The following PTPRK variants were observed in gnomAD, a reference collection of about 807,000 sequenced individuals.
PTPRK encodes the protein protein tyrosine phosphatase receptor type K.
Under a neutral mutation model 178.0 loss-of-function variants are expected in PTPRK, and 75 were observed. The observed-to-expected ratio is 0.42, with a 90% CI of 0.35 to 0.51. The LOEUF (loss-of-function observed/expected upper bound fraction) is 0.51, where lower values mean the gene tolerates loss of function less well. PTPRK is among the 20% of genes least tolerant of loss of function. The probability of loss-of-function intolerance (pLI) is 0.02; values close to 1 mark genes in which losing one functional copy is unlikely to be tolerated. For synonymous variants in PTPRK, 637 were observed against 620.6 expected (o/e 1.03, Z -0.39); for missense variants, 1,441 against 1,797.8 (o/e 0.80, Z 3.59).
intron 1 of PTPRK, among the ~76,000 whole-genome samples, chr6:128,464,096 G>A (rs1234260262): frequency 6.6e-6 from 1 of 151,898 alleles, no homozygotes; most frequent in Non-Finnish European, 1.5e-5. Flanking sequence ...TGAATTACAT[G>A]ACAAACTTTT....
chr6:128,388,311 T>C (rs185542652), intron 2 of PTPRK, among the ~76,000 whole-genome samples: 3 of 152,248 alleles, frequency 2.0e-5, no homozygotes, highest in Admixed American at 2.0e-4. Context: ...TTTTAGACCT[T>C]TAAAGAGAGA....
At chr6:128,443,542 C>T (rs1846559343) in intron 1 of PTPRK, among the ~76,000 whole-genome samples, 1 of 152,168 alleles carries the variant, frequency 6.6e-6, no homozygotes, top group Non-Finnish European at 1.5e-5. Flanking sequence ...CAAGTATAGT[C>T]ATCCAAGTGG....
intron 13 of PTPRK, among the ~76,000 whole-genome samples, chr6:128,014,008 C>T (rs1309661893): frequency 1.3e-5 from 2 of 151,512 alleles, no homozygotes; most frequent in African/African-American, 2.4e-5. Context: ...TTATTTTGCT[C>T]ACCATTGAAT....
At chr6:127,983,152 T>C in intron 23 of PTPRK, 90 bp downstream of exon 23, 2 of 1,332,646 alleles carry the variant, frequency 1.5e-6, no homozygotes, top group Non-Finnish European at 1.0e-6. Context: ...TCTCTTTCGG[T>C]TGAGTAGAGT....
chr6:128,069,328 A>G (rs553414285), intron 11 of PTPRK, among the ~76,000 whole-genome samples: 2 of 152,106 alleles, frequency 1.3e-5, no homozygotes, highest in Non-Finnish European at 2.9e-5. Flanking sequence ...TTCAAATTAT[A>G]TGTGCTGCAT....
At chr6:128,178,202 A>G (rs538493373) in intron 7 of PTPRK, among the ~76,000 whole-genome samples, 7 of 151,870 alleles carry the variant, frequency 4.6e-5, no homozygotes, top group Non-Finnish European at 1.0e-4. Context: ...TTACTGAAGT[A>G]TGTTATATTT....
intron 6 of PTPRK, among the ~76,000 whole-genome samples, chr6:128,216,508 C>G (rs1809321311): frequency 1.3e-5 from 2 of 150,682 alleles, no homozygotes; most frequent in Middle Eastern, 3.4e-3. Context: ...GCATTCCAAC[C>G]TGGGTGACAG....
intron 2 of PTPRK, among the ~76,000 whole-genome samples, chr6:128,345,258 C>T (rs4367401): frequency 2.0e-5 from 3 of 151,740 alleles, no homozygotes; most frequent in Admixed American, 2.0e-4. Flanking sequence ...GAATATATAT[C>T]TTTTTTTTGG....
chr6:128,117,144 AAAAAAAT>A (rs914404337), intron 7 of PTPRK, among the ~76,000 whole-genome samples: 5 of 152,100 alleles, frequency 3.3e-5, no homozygotes, highest in South Asian at 2.1e-4. Context: ...AGACTCTGTC[AAAAAAAT>A]AAAAAATAAA....
chr6:128,204,707 A>C (rs1806603523), intron 6 of PTPRK, among the ~76,000 whole-genome samples: 1 of 152,200 alleles, frequency 6.6e-6, no homozygotes, highest in Admixed American at 6.5e-5. Flanking sequence ...GCAAATCAAA[A>C]CCACAAAGAG....
chr6:128,045,521 A>G (rs886969067), intron 13 of PTPRK, among the ~76,000 whole-genome samples: 3 of 152,060 alleles, frequency 2.0e-5, no homozygotes, highest in African/African-American at 7.2e-5. Flanking sequence ...AAGCAAAGGC[A>G]GAACTTCTAT....
chr6:128,348,069 A>G (rs1299349523), intron 2 of PTPRK, among the ~76,000 whole-genome samples: 1 of 152,066 alleles, frequency 6.6e-6, no homozygotes, highest in Non-Finnish European at 1.5e-5. Flanking sequence ...TAGCTTTGAC[A>G]CAACACATAT....
intron 6 of PTPRK, among the ~76,000 whole-genome samples, chr6:128,201,097 T>TACTAAGCAC (rs1805860216): frequency 6.6e-6 from 1 of 152,168 alleles, no homozygotes; most frequent in Non-Finnish European, 1.5e-5. Context: ...CACTATGACT[T>TACTAAGCAC]TAAAAGAGGA....
At chr6:128,011,938 A>G (rs1779106150) in intron 13 of PTPRK, among the ~76,000 whole-genome samples, 1 of 151,212 alleles carries the variant, frequency 6.6e-6, no homozygotes, top group African/African-American at 2.4e-5. Context: ...CTAGACTTCA[A>G]TTCACATTTA....
intron 13 of PTPRK, among the ~76,000 whole-genome samples, chr6:128,023,241 C>T (rs114527351): frequency 4.6e-5 from 7 of 152,046 alleles, no homozygotes; most frequent in South Asian, 2.1e-4. Context: ...TCTTAGCTGA[C>T]GAGTGATTTC....
intron 2 of PTPRK, among the ~76,000 whole-genome samples, chr6:128,379,176 A>G (rs1052312472): frequency 6.6e-6 from 1 of 152,066 alleles, no homozygotes; most frequent in Non-Finnish European, 1.5e-5. Context: ...CTTTATTTGA[A>G]CATACTCCAG....
At chr6:128,287,996 T>C (rs1234109764) in intron 3 of PTPRK, among the ~76,000 whole-genome samples, 1 of 152,188 alleles carries the variant, frequency 6.6e-6, no homozygotes, top group Non-Finnish European at 1.5e-5. Flanking sequence ...TTTTATCATC[T>C]CCAACTAACT....
At chr6:128,438,084 C>G (rs916523515) in intron 1 of PTPRK, among the ~76,000 whole-genome samples, 1 of 152,180 alleles carries the variant, frequency 6.6e-6, no homozygotes, top group African/African-American at 2.4e-5. Flanking sequence ...AAAAAATATC[C>G]GGGTATATAA....
intron 1 of PTPRK, among the ~76,000 whole-genome samples, chr6:128,402,749 C>A (rs1841191887): frequency 1.3e-5 from 2 of 152,128 alleles, no homozygotes; most frequent in Middle Eastern, 6.8e-3. Context: ...AATTTAAGTA[C>A]TGAAATTAAA....
Sources: allele counts gnomAD v4.1 joint callset (sites outside exome capture counted in the v4.1 genomes callset), GRCh38; gene constraint gnomAD v4.1.1; transcripts MANE v1.5; gene names NCBI Gene and HGNC (gene_info 2026-07-23, HGNC 2026-07-21).